Variants in TNRC6B observed in about 807,000 individuals in gnomAD.
TNRC6B encodes the protein trinucleotide repeat containing adaptor 6B, also known as trinucleotide repeat-containing gene 6B protein.
TNRC6B carries 52 observed loss-of-function variants against 203.6 expected under a neutral mutation model. That is an observed-to-expected ratio of 0.26 (90% CI 0.20 to 0.32). The LOEUF is 0.32. Ranked by LOEUF, TNRC6B falls within the 10% of genes least tolerant of loss-of-function variation. TNRC6B has a pLI of 1.00. For missense variants in TNRC6B, 1,923 were observed against 2,286.2 expected, an observed-to-expected ratio of 0.84 and a Z score of 3.24; for synonymous variants, 838 against 845.7, an observed-to-expected ratio of 0.99 and a Z score of 0.16.
At chr22:40,212,944 C>T (rs1250280539) in intron 1 of TNRC6B, among the ~76,000 whole-genome samples, 2 of 152,194 alleles carry the variant, frequency 1.3e-5, no homozygotes, top group East Asian at 1.9e-4. Context: ...GCCACCGCCG[C>T]GCCTGGCCCT....
At chr22:40,092,309 G>T (rs2068156907) in intron 1 of TNRC6B, among the ~76,000 whole-genome samples, 1 of 151,754 alleles carries the variant, frequency 6.6e-6, no homozygotes. Flanking sequence ...AGGCTGAGGT[G>T]GGAGAATCAT....
intron 3 of TNRC6B, among the ~76,000 whole-genome samples, chr22:40,142,506 A>G (rs1039394471): frequency 6.6e-6 from 1 of 152,200 alleles, no homozygotes; most frequent in African/African-American, 2.4e-5. Context: ...ATAAAAAATA[A>G]CAATAACAAT....
rs753763070 is a variant in TNRC6B at position 40,324,803 on chromosome 22, AT to A, written c.*1567del. The A allele has an allele frequency of 2.0e-5, 3 of 147,838 alleles. No individual in the cohort carries two copies. The highest frequency in any genetic ancestry group is 3.0e-5 in the Non-Finnish European group (2 of 66,752). 9.2% of individuals were successfully genotyped at this position (147,838 alleles called of 1,614,324 possible). On this transcript the variant is annotated 3_prime_UTR_variant, in exon 23 of 23. Transcript: ENST00000454349. ...CTTTTAAGTATTGCACCTTTTTTTGATTTTTGACCTCTTCCCCCCACCTTGT... is the reference window on the plus strand; with the variant it reads ...CTTTTAAGTATTGCACCTTTTTTTGATTTTGACCTCTTCCCCCCACCTTGT...
In TNRC6B at chr22:40,331,847, G is replaced by A. The variant is rs2071471741; in HGVS notation, c.*8606G>A. The A allele has an allele frequency of 8.4e-6, 3 of 359,276 alleles. No individual in the cohort carries two copies. Among genetic ancestry groups the A allele is most frequent in the Admixed American group, 4.8e-5 (1 of 21,046 alleles). 22.3% of individuals were successfully genotyped at this position (359,276 alleles called of 1,614,324 possible). On this transcript the variant is annotated 3_prime_UTR_variant, in exon 23 of 23. Transcript: ENST00000454349. ...GTGTCCCCGTGTCCTGGAGGGGAAG[G>A]GGAGTGAGAGACGAATGTGGTAAGG...
intron 1 of TNRC6B, among the ~76,000 whole-genome samples, chr22:40,112,209 C>G (rs1428811702): frequency 6.6e-6 from 1 of 152,212 alleles, no homozygotes; most frequent in African/African-American, 2.4e-5. Context: ...AAAAACTGTC[C>G]TGTGAAACAG....
intron 1 of TNRC6B, among the ~76,000 whole-genome samples, chr22:40,112,933 A>G (rs2068352516): frequency 6.6e-6 from 1 of 152,200 alleles, no homozygotes; most frequent in South Asian, 2.1e-4. Flanking sequence ...AGCCTGGTCA[A>G]CATGGTGAAA....
At chr22:40,068,411 G>A (rs1242788309) in intron 1 of TNRC6B, among the ~76,000 whole-genome samples, 1 of 152,034 alleles carries the variant, frequency 6.6e-6, no homozygotes, top group Non-Finnish European at 1.5e-5. Context: ...TCCGCCTCCT[G>A]GGTTCAGGTG....
intron 1 of TNRC6B, among the ~76,000 whole-genome samples, chr22:40,221,597 G>T (rs2069708846): frequency 6.6e-6 from 1 of 152,000 alleles, no homozygotes; most frequent in African/African-American, 2.4e-5. Flanking sequence ...GTGCCACCAT[G>T]CCCAGCTAAT....
At chr22:40,226,491 G>A (rs1332450142) in intron 1 of TNRC6B, among the ~76,000 whole-genome samples, 1 of 152,206 alleles carries the variant, frequency 6.6e-6, no homozygotes, top group Non-Finnish European at 1.5e-5. Flanking sequence ...GATCTCAGGA[G>A]CAGAGTCCAC....
chr22:40,052,134 C>T (rs764077017), intron 1 of TNRC6B, among the ~76,000 whole-genome samples: 1 of 152,176 alleles, frequency 6.6e-6, no homozygotes, highest in Non-Finnish European at 1.5e-5. Flanking sequence ...AATGTGCCAA[C>T]CTTCCTTGCC....
chr22:40,301,077 A>G lies in TNRC6B; in HGVS notation c.3936+72A>G, dbSNP rs570167630. 7 of 1,566,080 alleles carry G rather than the reference A, an allele frequency of 4.5e-6. No homozygotes were observed. In the South Asian group the frequency reaches 4.7e-5, roughly 10 times the overall value. On this transcript the variant is annotated intron_variant, in intron 14 of 22. Coordinates refer to ENST00000454349, the MANE Select transcript of TNRC6B (RefSeq NM_001162501.2). ...ATCCCGGCTTAGCCTCTGATGGCAA[A>G]GAACCGGGCACAGTCTTTTCCTGGG...
At chr22:40,233,553 C>T (rs950251092) in intron 1 of TNRC6B, among the ~76,000 whole-genome samples, 14 of 151,008 alleles carry the variant, frequency 9.3e-5, no homozygotes, top group African/African-American at 3.4e-4. Flanking sequence ...ACTCAGGAGG[C>T]GGAGGTTGCA....
intron 1 of TNRC6B, among the ~76,000 whole-genome samples, chr22:40,227,426 T>C (rs138043): frequency 0.33 from 45,691 of 139,960 alleles, 8,868 homozygotes; most frequent in East Asian, 0.57. Flanking sequence ...AGTGCAGTGG[T>C]GCCATCTTGG....
At chr22:40,174,613 A>AGATCACGAGGT (rs564136462), upstream of TNRC6B, among the ~76,000 whole-genome samples, 174 of 152,322 alleles carry the variant, frequency 1.1e-3, no homozygotes, top group African/African-American at 4.0e-3. Flanking sequence ...TGAGGCCGGC[A>AGATCACGAGGT]GATCACGAGG....
chr22:40,141,082 A>C (rs540215578), intron 3 of TNRC6B, among the ~76,000 whole-genome samples: 1 of 152,204 alleles, frequency 6.6e-6, no homozygotes, highest in Non-Finnish European at 1.5e-5. Context: ...ACAAGATTTA[A>C]CATATTTGCT....
intron 12 of TNRC6B, among the ~76,000 whole-genome samples, chr22:40,291,602 A>C (rs1051897145): frequency 1.3e-5 from 2 of 152,194 alleles, no homozygotes; most frequent in African/African-American, 4.8e-5. Context: ...TGCTGTTGCT[A>C]TGTAGCATTC....
rs558059964 is a variant in TNRC6B at position 40,185,937 on chromosome 22, C to T, written c.5+7797C>T. ...TCAACCAAAAGGAAGATGACGCATT[C>T]CAGGTCAGACTTACTGAATTGGAGA... On this transcript the variant is annotated intron_variant, in intron 1 of 22. Transcript: ENST00000454349. 3.3e-5 allele frequency among the ~76,000 whole-genome samples: 5 copies of T among 152,226 alleles called. No homozygotes were observed. The South Asian group carries it at 1.0e-3, about 32-fold the overall frequency.
Position 40,266,233 on chromosome 22 carries a change from A to T in TNRC6B, c.2003A>T (p.Asp668Val). 1 of 1,604,342 alleles carries T rather than the reference A, an allele frequency of 6.2e-7. No homozygotes were observed. Among genetic ancestry groups the T allele is most frequent in the Non-Finnish European group, 8.5e-7 (1 of 1,174,972 alleles). Residue 668 changes from aspartate to valine, a missense_variant, in exon 5 of 23, where the codon GAT becomes GTT. Asp to Val is a radical substitution (Grantham distance 152, BLOSUM62 -3). This residue lies in a region of TNRC6B where 599 missense variants were observed against 656.5 expected (regional missense o/e 0.91). Transcript: ENST00000454349. ...TQTKNSGGWG[D>V]APSQSNQMKS... ...ACCAAGAACTCAGGGGGCTGGGGAG[A>T]TGCACCCAGCCAAAGCAATCAAATG...
At chr22:40,303,285 C>G (rs2071049603) in intron 15 of TNRC6B, among the ~76,000 whole-genome samples, 1 of 151,976 alleles carries the variant, frequency 6.6e-6, no homozygotes, top group African/African-American at 2.4e-5. Flanking sequence ...CGTGGCCTCC[C>G]AAAGTGCTGG....
Sources: allele counts gnomAD v4.1 joint callset (sites outside exome capture counted in the v4.1 genomes callset), GRCh38; gene constraint gnomAD v4.1.1; regional missense constraint gnomAD v4.1.1; transcripts MANE v1.5; gene names NCBI Gene and HGNC (gene_info 2026-07-23, HGNC 2026-07-21).